SLC24A2: variants seen among roughly 807,000 people sequenced by gnomAD.
SLC24A2 encodes sodium/potassium/calcium exchanger 2.
A neutral mutation model predicts 62.0 loss-of-function variants in SLC24A2; 36 were observed. That is an observed-to-expected ratio of 0.58 (90% CI 0.44 to 0.77). The LOEUF is 0.77. Ranked by LOEUF, SLC24A2 falls within the 30% of genes least tolerant of loss-of-function variation. The probability of loss-of-function intolerance (pLI) is 0.00; values close to 1 mark genes in which losing one functional copy is unlikely to be tolerated. For missense variants in SLC24A2, 846 were observed against 817.9 expected, an observed-to-expected ratio of 1.03 and a Z score of -0.42; for synonymous variants, 358 against 294.0, an observed-to-expected ratio of 1.22 and a Z score of -2.23.
At chr9:19,679,282 A>G (rs1819647715) in intron 2 of SLC24A2, among the ~76,000 whole-genome samples, 1 of 152,176 alleles carries the variant, frequency 6.6e-6, no homozygotes, top group Non-Finnish European at 1.5e-5. Context: ...GTTTATTTCT[A>G]TTACTTCCTT....
chr9:20,290,148 G>A, the SLC24A2 span, among the ~76,000 whole-genome samples: 2 of 152,188 alleles, frequency 1.3e-5, no homozygotes, highest in African/African-American at 4.8e-5. Context: ...ATTCTCTGCT[G>A]AAAACAAGGA....
chr9:19,643,639 C>CT (rs2118099590), intron 2 of SLC24A2, among the ~76,000 whole-genome samples: 2 of 152,314 alleles, frequency 1.3e-5, no homozygotes, highest in South Asian at 4.1e-4. Flanking sequence ...AGTAGGCAGA[C>CT]TTGTCATGTC....
At chr9:20,232,882 T>C in the SLC24A2 span, among the ~76,000 whole-genome samples, 1 of 152,206 alleles carries the variant, frequency 6.6e-6, no homozygotes, top group Non-Finnish European at 1.5e-5. Flanking sequence ...AATTTCCCTC[T>C]ACACACTGCT....
chr9:20,201,866 G>T, the SLC24A2 span, among the ~76,000 whole-genome samples: 1 of 152,100 alleles, frequency 6.6e-6, no homozygotes, highest in Admixed American at 6.5e-5. Context: ...TCAAAAACGT[G>T]GCAATTAGGG....
chr9:19,802,821 C>T, the SLC24A2 span, among the ~76,000 whole-genome samples: 1 of 152,068 alleles, frequency 6.6e-6, no homozygotes, highest in Non-Finnish European at 1.5e-5. Context: ...TGTGTGTGTA[C>T]CTCAAAACAT....
intron 5 of SLC24A2, among the ~76,000 whole-genome samples, chr9:19,579,429 G>A (rs3780215): frequency 0.27 from 41,119 of 151,928 alleles, 6,819 homozygotes; most frequent in African/African-American, 0.47. Flanking sequence ...TTTGCAGAAG[G>A]CAATTCCAAA....
At chr9:19,888,557 G>A in the SLC24A2 span, among the ~76,000 whole-genome samples, 294 of 152,240 alleles carry the variant, frequency 1.9e-3, 1 homozygote, top group Admixed American at 5.2e-3. Context: ...TGATTCTGCA[G>A]TGTTTCATTA....
chr9:20,166,271 A>T, the SLC24A2 span, among the ~76,000 whole-genome samples: 9 of 152,016 alleles, frequency 5.9e-5, no homozygotes, highest in African/African-American at 1.9e-4. Flanking sequence ...CTATCTTGAA[A>T]TTAAACTTTT....
chr9:19,611,864 A>T (rs1006674691), intron 4 of SLC24A2, among the ~76,000 whole-genome samples: 1 of 152,142 alleles, frequency 6.6e-6, no homozygotes, highest in African/African-American at 2.4e-5. Flanking sequence ...TGGTCCTGGG[A>T]AAATAGATTT....
At chr9:20,160,701 C>T in the SLC24A2 span, among the ~76,000 whole-genome samples, 94 of 150,486 alleles carry the variant, frequency 6.2e-4, no homozygotes, top group African/African-American at 1.9e-3. Context: ...ACAGAATTTC[C>T]GAAAAATAAT....
intron 2 of SLC24A2, among the ~76,000 whole-genome samples, chr9:19,727,267 T>C (rs1276230295): frequency 6.6e-6 from 1 of 152,156 alleles, no homozygotes; most frequent in Non-Finnish European, 1.5e-5. Flanking sequence ...CTGTATACAG[T>C]GATATTTTGA....
chr9:20,165,976 G>A, the SLC24A2 span, among the ~76,000 whole-genome samples: 99 of 151,462 alleles, frequency 6.5e-4, 2 homozygotes, highest in South Asian at 0.02. Flanking sequence ...TAGGAAAATG[G>A]AAAAAAGACA....
chr9:20,235,699 C>T, the SLC24A2 span, among the ~76,000 whole-genome samples: 1 of 152,142 alleles, frequency 6.6e-6, no homozygotes, highest in Non-Finnish European at 1.5e-5. Flanking sequence ...AATGCCTTGC[C>T]CTGCTTCGGC....
intron 8 of SLC24A2, among the ~76,000 whole-genome samples, chr9:19,549,504 A>C (rs766274887): frequency 2.6e-5 from 4 of 152,204 alleles, no homozygotes; most frequent in African/African-American, 9.6e-5. Context: ...TCACTGCAAC[A>C]TTCACTCTTG....
At chr9:20,268,070 A>G in the SLC24A2 span, among the ~76,000 whole-genome samples, 1 of 152,106 alleles carries the variant, frequency 6.6e-6, no homozygotes, top group East Asian at 1.9e-4. Flanking sequence ...TAAGGAGGGA[A>G]TGGGAAATGA....
intron 2 of SLC24A2, among the ~76,000 whole-genome samples, chr9:19,737,566 A>G (rs1268373137): frequency 1.3e-5 from 2 of 152,144 alleles, no homozygotes; most frequent in African/African-American, 2.4e-5. Context: ...GTAATGATTT[A>G]AAAGGTTAAA....
the SLC24A2 span, among the ~76,000 whole-genome samples, chr9:19,841,331 G>T: frequency 6.6e-6 from 1 of 152,202 alleles, no homozygotes; most frequent in East Asian, 1.9e-4. Context: ...CATCACTAAG[G>T]GGATGGCATT....
the SLC24A2 span, among the ~76,000 whole-genome samples, chr9:19,920,189 G>C: frequency 6.6e-6 from 1 of 151,746 alleles, no homozygotes; most frequent in Non-Finnish European, 1.5e-5. Context: ...TAAGTGCAGG[G>C]GCATAGAAAT....
At chr9:19,735,356 A>G (rs1301949606) in intron 2 of SLC24A2, among the ~76,000 whole-genome samples, 1 of 152,058 alleles carries the variant, frequency 6.6e-6, no homozygotes, top group Non-Finnish European at 1.5e-5. Flanking sequence ...GTCAGGAAAC[A>G]ACAGGTGCTG....
Sources: allele counts gnomAD v4.1 joint callset (sites outside exome capture counted in the v4.1 genomes callset), GRCh38; gene constraint gnomAD v4.1.1; transcripts MANE v1.5; gene names NCBI Gene and HGNC (gene_info 2026-07-23, HGNC 2026-07-21).